The following DIAPH2 variants were observed in gnomAD, a reference collection of about 807,000 sequenced individuals.
DIAPH2 encodes protein diaphanous homolog 2.
DIAPH2 carries 35 observed loss-of-function variants against 92.7 expected under a neutral mutation model. That is an observed-to-expected ratio of 0.38 (90% CI 0.29 to 0.50). The LOEUF is 0.50. DIAPH2 is among the 20% of genes least tolerant of loss of function. The pLI, the probability that DIAPH2 is intolerant of heterozygous loss-of-function variation, is 0.94. For missense variants in DIAPH2, 701 were observed against 819.5 expected (o/e 0.86, Z 1.77); for synonymous variants, 301 against 280.4 (o/e 1.07, Z -0.73).
At position 97,599,368 on chromosome X, in the gene DIAPH2, A is replaced by C. The variant is rs1288867072; in HGVS notation, c.*51A>C. The C allele has an allele frequency of 1.1e-6, 1 of 925,356 alleles. No individual in the cohort carries two copies. The highest frequency in any genetic ancestry group is 2.6e-5 in the Admixed American group (1 of 38,859). 76.3% of individuals were successfully genotyped at this position (925,356 alleles called of 1,213,427 possible). A position where few individuals can be genotyped will look rare whatever the true frequency, so the allele number is the denominator to read the frequency against. On this transcript the variant is annotated 3_prime_UTR_variant, in exon 27 of 27. Transcript: ENST00000324765. Reference sequence around the variant, plus strand: ...TATTTAAGTAAAAACAAAATGATGCATTTTGAGAAGAACAAAGTGTGCACT... The same window carrying C: ...TATTTAAGTAAAAACAAAATGATGCCTTTTGAGAAGAACAAAGTGTGCACT...
intron 26 of DIAPH2, among the ~76,000 whole-genome samples, chrX:97,508,925 T>A (rs1278417441): frequency 9.2e-6 from 1 of 109,145 alleles, no homozygotes; most frequent in Non-Finnish European, 1.9e-5. Context: ...CATCTTAGAT[T>A]CATAGCTAGG....
intron 26 of DIAPH2, among the ~76,000 whole-genome samples, chrX:97,507,303 G>A (rs1190444448): frequency 9.1e-6 from 1 of 110,484 alleles, no homozygotes; most frequent in African/African-American, 3.3e-5. Flanking sequence ...ATAAGTCATA[G>A]AGTCCATCAT....
chrX:96,983,684 TGA>T (rs937769478), intron 17 of DIAPH2, among the ~76,000 whole-genome samples: 13 of 111,075 alleles, frequency 1.2e-4, no homozygotes, highest in Non-Finnish European at 1.5e-4. Flanking sequence ...TAAGGTTTAT[TGA>T]GAGAGAGAGA....
At chrX:96,749,724 A>G (rs1270144878) in intron 3 of DIAPH2, among the ~76,000 whole-genome samples, 2 of 111,955 alleles carry the variant, frequency 1.8e-5, no homozygotes, top group Non-Finnish European at 3.8e-5. Flanking sequence ...TGGGTCTTCA[A>G]CAAGTGCCAT....
chrX:97,522,571 C>A (rs1462914697), intron 26 of DIAPH2, among the ~76,000 whole-genome samples: 2 of 112,790 alleles, frequency 1.8e-5, no homozygotes, highest in African/African-American at 3.2e-5. Flanking sequence ...AAAATCATGA[C>A]TGCTTTCATT....
At chrX:96,971,349 G>A (rs1414391487) in intron 17 of DIAPH2, among the ~76,000 whole-genome samples, 3 of 111,816 alleles carry the variant, frequency 2.7e-5, no homozygotes, top group Non-Finnish European at 5.6e-5. Flanking sequence ...AGTATTGTGA[G>A]AATTAAACAA....
At chrX:96,863,063 C>T (rs2065081246) in intron 4 of DIAPH2, among the ~76,000 whole-genome samples, 1 of 110,024 alleles carries the variant, frequency 9.1e-6, no homozygotes, top group South Asian at 3.9e-4. Context: ...ATGTGCTTTA[C>T]TCATAAATGT....
chrX:96,735,635 C>T, intron 1 of DIAPH2, 123 bp from the exon 2 acceptor site: 3 of 439,181 alleles, frequency 6.8e-6, no homozygotes, highest in Non-Finnish European at 7.8e-6. Context: ...TTTGAACTTT[C>T]TGATTCTTTT....
At chrX:96,961,647 T>G (rs1020184968) in intron 16 of DIAPH2, among the ~76,000 whole-genome samples, 3 of 110,424 alleles carry the variant, frequency 2.7e-5, no homozygotes, top group African/African-American at 9.8e-5. Flanking sequence ...CTTTCCATTT[T>G]TTCGAAGTAG....
At chrX:97,596,291 C>T (rs1166829767) in intron 26 of DIAPH2, among the ~76,000 whole-genome samples, 1 of 111,869 alleles carries the variant, frequency 8.9e-6, no homozygotes, top group East Asian at 2.8e-4. Context: ...TTCTGTATTT[C>T]ATTGCACAAT....
chrX:97,443,528 T>C (rs746646545), intron 26 of DIAPH2, among the ~76,000 whole-genome samples: 98 of 111,939 alleles, frequency 8.8e-4, no homozygotes, highest in African/African-American at 2.9e-3. Context: ...TTTAATATAT[T>C]ATACCTAAAG....
At chrX:97,344,180 A>G (rs962835499) in intron 23 of DIAPH2, among the ~76,000 whole-genome samples, 4 of 112,054 alleles carry the variant, frequency 3.6e-5, no homozygotes, top group South Asian at 3.7e-4. Flanking sequence ...TGATCATTCT[A>G]TCGACCACAA....
At chrX:97,044,340 G>A (rs190913353) in intron 17 of DIAPH2, among the ~76,000 whole-genome samples, 4 of 110,151 alleles carry the variant, frequency 3.6e-5, no homozygotes, top group East Asian at 2.9e-4. Context: ...TATTTCTCAC[G>A]TTTTCTCTTC....
intron 16 of DIAPH2, among the ~76,000 whole-genome samples, chrX:96,960,632 T>C (rs2065841277): frequency 9.0e-6 from 1 of 111,577 alleles, no homozygotes; most frequent in African/African-American, 3.3e-5. Flanking sequence ...CTTCCAGTAC[T>C]ATGTTGAATA....
Position 97,532,125 on chromosome X carries a change from A to G in DIAPH2, c.3242-67128A>G, listed in dbSNP as rs770124878. 1.8e-3 allele frequency among the ~76,000 whole-genome samples: 198 copies of G among 112,950 alleles called. 1 individual carries two copies. The highest frequency in any genetic ancestry group is 2.3e-3 in the Non-Finnish European group (122 of 53,396). On this transcript the variant is annotated intron_variant, in intron 26 of 26. Coordinates refer to ENST00000324765, the MANE Select transcript of DIAPH2 (RefSeq NM_006729.5). ...ATTTGTACTTGCATAATGCATGTGC[A>G]TGTACACACTGTGATATTTTACGAC... is the stretch of plus-strand genomic sequence containing the variant.
At chrX:97,017,234 G>A (rs989469929) in intron 17 of DIAPH2, among the ~76,000 whole-genome samples, 5 of 111,905 alleles carry the variant, frequency 4.5e-5, no homozygotes, top group African/African-American at 1.3e-4. Flanking sequence ...GGAAAACATC[G>A]TAAATATCAT....
intron 26 of DIAPH2, among the ~76,000 whole-genome samples, chrX:97,583,269 G>A (rs2071453853): frequency 9.0e-6 from 1 of 110,954 alleles, no homozygotes; most frequent in Non-Finnish European, 1.9e-5. Context: ...AGAGTTTCCA[G>A]TTTTTCTGTT....
intron 4 of DIAPH2, among the ~76,000 whole-genome samples, chrX:96,806,101 T>C (rs2064622071): frequency 9.1e-6 from 1 of 110,468 alleles, no homozygotes; most frequent in Non-Finnish European, 1.9e-5. Context: ...GTTTGTTATG[T>C]TGCTGCTATC....
At chrX:97,021,954 G>A (rs1323879737) in intron 17 of DIAPH2, among the ~76,000 whole-genome samples, 3 of 111,974 alleles carry the variant, frequency 2.7e-5, no homozygotes, top group Non-Finnish European at 5.6e-5. Context: ...TAAAGAAACA[G>A]TCTAATAAAA....
Sources: gnomAD v4.1 joint callset for allele counts (sites outside exome capture counted in the v4.1 genomes callset) on GRCh38, gnomAD v4.1.1 for gene constraint, MANE v1.5 for transcripts, NCBI Gene and HGNC (gene_info 2026-07-23, HGNC 2026-07-21) for gene names.